The following PLPP4 variants were observed in gnomAD, a reference collection of about 807,000 sequenced individuals.
PLPP4 encodes the protein diacylglycerol pyrophosphate like 2.
A neutral mutation model predicts 32.2 loss-of-function variants in PLPP4; 20 were observed. The observed-to-expected ratio is 0.62, with a 90% confidence interval of 0.44 to 0.90. PLPP4 has a LOEUF of 0.90. Among genes scored for constraint, PLPP4 ranks in the 40% least tolerant of loss-of-function variants. The pLI is 0.00. For missense variants in PLPP4, 257 were observed against 353.1 expected (o/e 0.73, Z 2.18); for synonymous variants, 127 against 133.0 (o/e 0.95, Z 0.31).
intron 1 of PLPP4, among the ~76,000 whole-genome samples, chr10:120,481,544 A>G (rs948654661): frequency 1.3e-5 from 2 of 152,196 alleles, no homozygotes; most frequent in Admixed American, 6.5e-5. Flanking sequence ...CAACCACAAT[A>G]TCAACAGCTA....
chr10:120,577,317 A>C (rs1035931312), intron 6 of PLPP4, among the ~76,000 whole-genome samples: 1 of 152,224 alleles, frequency 6.6e-6, no homozygotes, highest in African/African-American at 2.4e-5. Context: ...GGAGTCAATA[A>C]GAGCCTTTGC....
At chr10:120,521,810 C>T (rs1324166786) in intron 5 of PLPP4, among the ~76,000 whole-genome samples, 1 of 152,234 alleles carries the variant, frequency 6.6e-6, no homozygotes, top group East Asian at 1.9e-4. Context: ...ATTTCTGGAG[C>T]AGCAGCTATG....
At chr10:120,507,096 G>T (rs181902871) in intron 2 of PLPP4, among the ~76,000 whole-genome samples, 2 of 152,296 alleles carry the variant, frequency 1.3e-5, no homozygotes, top group Non-Finnish European at 2.9e-5. Flanking sequence ...GGTATTAGTT[G>T]TTGCTCTTTG....
chr10:120,542,685 C>G (rs965011469), intron 5 of PLPP4, among the ~76,000 whole-genome samples: 52 of 152,200 alleles, frequency 3.4e-4, no homozygotes, highest in African/African-American at 1.2e-3. Context: ...TCTTTTCTTG[C>G]ACTCAGCCTA....
At chr10:120,509,768 A>G (rs1407112579) in intron 2 of PLPP4, among the ~76,000 whole-genome samples, 1 of 152,232 alleles carries the variant, frequency 6.6e-6, no homozygotes, top group Non-Finnish European at 1.5e-5. Context: ...AGGAAAGTCC[A>G]TAACACGTAG....
intron 5 of PLPP4, among the ~76,000 whole-genome samples, chr10:120,525,403 A>AT (rs1038096017): frequency 5.9e-5 from 9 of 152,200 alleles, no homozygotes; most frequent in African/African-American, 2.2e-4. Flanking sequence ...TGTGGAATAC[A>AT]TTTTTTAAAT....
intron 5 of PLPP4, among the ~76,000 whole-genome samples, chr10:120,546,383 A>G (rs1847621708): frequency 6.6e-6 from 1 of 152,018 alleles, no homozygotes; most frequent in South Asian, 2.1e-4. Context: ...TGGCACCAGA[A>G]GTCCTCATCT....
chr10:120,557,313 AT>A (rs570059553), intron 5 of PLPP4, among the ~76,000 whole-genome samples: 70 of 152,304 alleles, frequency 4.6e-4, no homozygotes, highest in African/African-American at 1.6e-3. Context: ...TTCTGAATTT[AT>A]TCCCATTACA....
chr10:120,527,596 A>G (rs944621279), intron 5 of PLPP4, among the ~76,000 whole-genome samples: 2 of 152,116 alleles, frequency 1.3e-5, no homozygotes, highest in African/African-American at 4.8e-5. Flanking sequence ...TACCGATCAC[A>G]CTGTTTTTCC....
intron 5 of PLPP4, among the ~76,000 whole-genome samples, chr10:120,564,525 GT>G (rs1848597705): frequency 6.6e-6 from 1 of 151,688 alleles, no homozygotes; most frequent in African/African-American, 2.4e-5. Context: ...TAATATTTCT[GT>G]TTTCTGTTTA....
chr10:120,563,804 C>A (rs1359102997), intron 5 of PLPP4, among the ~76,000 whole-genome samples: 1 of 12,792 alleles, frequency 7.8e-5, no homozygotes, highest in African/African-American at 2.3e-4. Context: ...GAGACTCCGT[C>A]TCAAAAAAAA....
intron 5 of PLPP4, among the ~76,000 whole-genome samples, chr10:120,547,488 T>G (rs902123936): frequency 2.3e-4 from 35 of 152,182 alleles, no homozygotes; most frequent in African/African-American, 8.4e-4. Flanking sequence ...GAATGATTGA[T>G]TATTAATAAG....
chr10:120,519,335 C>T (rs1163274986), intron 4 of PLPP4, among the ~76,000 whole-genome samples: 1 of 151,984 alleles, frequency 6.6e-6, no homozygotes, highest in Non-Finnish European at 1.5e-5. Context: ...TTCTGTTTTC[C>T]ATTTATCTTT....
chr10:120,543,374 G>C (rs543613532), intron 5 of PLPP4, among the ~76,000 whole-genome samples: 1 of 152,288 alleles, frequency 6.6e-6, no homozygotes, highest in Non-Finnish European at 1.5e-5. Flanking sequence ...TGGTTGGCCT[G>C]TTACCCCTGA....
chr10:120,548,331 G>A (rs1214220521), intron 5 of PLPP4, among the ~76,000 whole-genome samples: 9 of 151,982 alleles, frequency 5.9e-5, no homozygotes, highest in African/African-American at 1.7e-4. Context: ...CAAATGGTAC[G>A]TGGTTTTCTA....
At chr10:120,534,369 T>C (rs1046286165) in intron 5 of PLPP4, among the ~76,000 whole-genome samples, 27 of 152,112 alleles carry the variant, frequency 1.8e-4, no homozygotes, top group African/African-American at 5.1e-4. Flanking sequence ...GCTTTAAATA[T>C]TTTTTCCTTC....
chr10:120,517,063 G>A (rs1845961431), intron 3 of PLPP4, among the ~76,000 whole-genome samples: 1 of 152,138 alleles, frequency 6.6e-6, no homozygotes, highest in Non-Finnish European at 1.5e-5. Context: ...TTAAAGAACT[G>A]CTCTGTGCTG....
chr10:120,536,381 T>A (rs1227690736), intron 5 of PLPP4, among the ~76,000 whole-genome samples: 1 of 151,934 alleles, frequency 6.6e-6, no homozygotes. Context: ...AGAAGGAAAC[T>A]GATGCATATA....
At chr10:120,463,597 G>A (rs1848174563) in intron 1 of PLPP4, among the ~76,000 whole-genome samples, 1 of 152,164 alleles carries the variant, frequency 6.6e-6, no homozygotes, top group South Asian at 2.1e-4. Flanking sequence ...AATCCCTATT[G>A]CATACATGTA....
Sources: allele counts gnomAD v4.1 joint callset (sites outside exome capture counted in the v4.1 genomes callset), GRCh38; gene constraint gnomAD v4.1.1; transcripts MANE v1.5; gene names NCBI Gene and HGNC (gene_info 2026-07-23, HGNC 2026-07-21).